The following TUSC3 variants were observed in gnomAD, a reference collection of about 807,000 sequenced individuals.
TUSC3 encodes the protein tumor suppressor candidate 3.
Under a neutral mutation model 44.8 loss-of-function variants are expected in TUSC3, and 45 were observed. The observed-to-expected ratio is 1.00, with a 90% confidence interval of 0.79 to 1.29. The LOEUF is 1.29. Ranked by LOEUF, TUSC3 falls within the 50% of genes most tolerant of loss-of-function variation. The pLI is 0.00. For missense variants in TUSC3, 519 were observed against 437.9 expected (o/e 1.19, Z -1.65); for synonymous variants, 212 against 152.9 (o/e 1.39, Z -2.85).
At chr8:15,650,920 G>A in intron 3 of TUSC3, 106 bp downstream of exon 3, 1 of 1,254,800 alleles carries the variant, frequency 8.0e-7, no homozygotes, top group African/African-American at 1.5e-5. Context: ...AACCTGGGAG[G>A]CGGAGGTTGC....
intron 1 of TUSC3, among the ~76,000 whole-genome samples, chr8:15,603,141 T>C (rs532983570): frequency 1.3e-5 from 2 of 151,780 alleles, no homozygotes; most frequent in South Asian, 4.1e-4. Flanking sequence ...TACTAATACA[T>C]GACTAGTTAA....
At chr8:15,454,966 C>G (rs192535671) in intron 1 of TUSC3, among the ~76,000 whole-genome samples, 2 of 152,104 alleles carry the variant, frequency 1.3e-5, no homozygotes, top group African/African-American at 4.8e-5. Flanking sequence ...AAAATGAATT[C>G]TAGAGGAATT....
At chr8:15,605,428 T>C (rs1407055782) in intron 1 of TUSC3, among the ~76,000 whole-genome samples, 1 of 151,954 alleles carries the variant, frequency 6.6e-6, no homozygotes, top group East Asian at 1.9e-4. Context: ...CCATTTATCT[T>C]CTCCTGTAGA....
chr8:15,754,716 T>C (rs1398740038), intron 9 of TUSC3, among the ~76,000 whole-genome samples: 3 of 152,186 alleles, frequency 2.0e-5, no homozygotes. Context: ...TTATAAACTG[T>C]TGTACCACTG....
At chr8:15,748,683 T>C (rs994188652) in intron 9 of TUSC3, 8 of 689,676 alleles carry the variant, frequency 1.2e-5, no homozygotes, top group Non-Finnish European at 1.3e-5. Context: ...GTAGTTTCTT[T>C]CTAGACATAC....
At chr8:15,506,641 G>A (rs1022756666) in intron 2 of TUSC3, among the ~76,000 whole-genome samples, 1 of 152,142 alleles carries the variant, frequency 6.6e-6, no homozygotes, top group Non-Finnish European at 1.5e-5. Context: ...ATGTGTGCAG[G>A]GGAAGTGCCT....
At chr8:15,511,932 C>T (rs1267121095) in intron 2 of TUSC3, among the ~76,000 whole-genome samples, 1 of 151,898 alleles carries the variant, frequency 6.6e-6, no homozygotes, top group Non-Finnish European at 1.5e-5. Flanking sequence ...ACAAAGATAT[C>T]AATTGATCCT....
the TUSC3 span, among the ~76,000 whole-genome samples, chr8:15,830,779 T>A: frequency 2.0e-5 from 3 of 152,066 alleles, no homozygotes; most frequent in Non-Finnish European, 4.4e-5. Flanking sequence ...GGAAGGGGGA[T>A]CAGGGTTGAA....
At chr8:15,527,801 T>C (rs530888849) in intron 2 of TUSC3, among the ~76,000 whole-genome samples, 1 of 152,178 alleles carries the variant, frequency 6.6e-6, no homozygotes, top group African/African-American at 2.4e-5. Context: ...ATAGACAAAA[T>C]AAGCTCTTCA....
At chr8:15,555,085 T>C (rs1298987349) in intron 1 of TUSC3, among the ~76,000 whole-genome samples, 1 of 150,076 alleles carries the variant, frequency 6.7e-6, no homozygotes, top group Non-Finnish European at 1.5e-5. Context: ...TTGAAAAATT[T>C]ACATAAGATT....
intron 1 of TUSC3, among the ~76,000 whole-genome samples, chr8:15,456,395 T>C (rs1334331677): frequency 6.6e-6 from 1 of 151,894 alleles, no homozygotes. Flanking sequence ...GCAAATTAAA[T>C]AGAAAAAATA....
chr8:15,530,659 G>C (rs551159310), intron 2 of TUSC3, among the ~76,000 whole-genome samples: 5 of 152,220 alleles, frequency 3.3e-5, no homozygotes, highest in Admixed American at 2.0e-4. Flanking sequence ...TCTATTCAAA[G>C]TGTTTATCAT....
chr8:15,735,871 T>G (rs73197178), intron 7 of TUSC3, among the ~76,000 whole-genome samples: 7 of 74,896 alleles, frequency 9.3e-5, no homozygotes, highest in Admixed American at 4.4e-4. Flanking sequence ...GGCTAATGGG[T>G]TTTTTTTTTT....
chr8:15,730,944 T>A (rs1810698024), intron 7 of TUSC3, among the ~76,000 whole-genome samples: 1 of 152,146 alleles, frequency 6.6e-6, no homozygotes, highest in African/African-American at 2.4e-5. Context: ...AATTTTTTTT[T>A]ACTGAGTGTT....
At chr8:15,431,969 C>T (rs1455924585) in intron 1 of TUSC3, among the ~76,000 whole-genome samples, 1 of 147,090 alleles carries the variant, frequency 6.8e-6, no homozygotes, top group Non-Finnish European at 1.5e-5. Flanking sequence ...AGGCATGAAT[C>T]TCACTTAATT....
chr8:15,486,222 G>A (rs911322922), intron 2 of TUSC3, among the ~76,000 whole-genome samples: 2 of 152,178 alleles, frequency 1.3e-5, no homozygotes, highest in African/African-American at 2.4e-5. Flanking sequence ...TTTGTCAACT[G>A]TAAAGCCGGC....
intron 2 of TUSC3, among the ~76,000 whole-genome samples, chr8:15,515,628 A>G (rs1006586432): frequency 6.6e-6 from 1 of 152,052 alleles, no homozygotes; most frequent in African/African-American, 2.4e-5. Context: ...GGAAATATTT[A>G]TACAGTATAT....
At chr8:15,830,679 A>C in the TUSC3 span, among the ~76,000 whole-genome samples, 2 of 152,126 alleles carry the variant, frequency 1.3e-5, no homozygotes, top group Non-Finnish European at 2.9e-5. Context: ...AATACTGCAT[A>C]CTCTAACTTA....
chr8:15,593,066 T>C (rs897645597), intron 1 of TUSC3, among the ~76,000 whole-genome samples: 3 of 152,148 alleles, frequency 2.0e-5, no homozygotes, highest in African/African-American at 7.2e-5. Flanking sequence ...AACTCTTTAT[T>C]ATATATTAAT....
Sources: allele counts gnomAD v4.1 joint callset (sites outside exome capture counted in the v4.1 genomes callset), GRCh38; gene constraint gnomAD v4.1.1; transcripts MANE v1.5; gene names NCBI Gene and HGNC (gene_info 2026-07-23, HGNC 2026-07-21).